The following PKIB variants were observed in gnomAD, a reference collection of about 807,000 sequenced individuals.
The protein encoded by PKIB is PKI-beta.
A neutral mutation model predicts 4.5 loss-of-function variants in PKIB; 2 were observed. The observed-to-expected ratio is 0.44, with a 90% CI of 0.18 to 1.39. PKIB has a LOEUF of 1.39. PKIB is among the 40% of genes most tolerant of loss of function. The pLI is 0.27. For missense variants in PKIB, 94 were observed against 92.6 expected, an observed-to-expected ratio of 1.02 and a Z score of -0.06; for synonymous variants, 38 against 36.0, an observed-to-expected ratio of 1.06 and a Z score of -0.20.
chr6:122,643,787 G>T (rs1776207254), intron 2 of PKIB: 4 of 152,038 alleles, frequency 2.6e-5, no homozygotes. Context: ...AAAGGTTGAG[G>T]TTATAACTTT....
At chr6:122,664,472 C>T (rs749232308) in intron 2 of PKIB, among the ~76,000 whole-genome samples, 5 of 152,080 alleles carry the variant, frequency 3.3e-5, no homozygotes, top group East Asian at 1.9e-4. Context: ...AGAAGTGATG[C>T]GTGATCATAG....
intron 2 of PKIB, among the ~76,000 whole-genome samples, chr6:122,555,549 T>C (rs1772811252): frequency 6.6e-6 from 1 of 152,072 alleles, no homozygotes; most frequent in Non-Finnish European, 1.5e-5. Flanking sequence ...AGTGCTAAAA[T>C]CAAGGAAAAA....
At chr6:122,480,879 A>G (rs1478018055) in intron 2 of PKIB, 1 of 152,018 alleles carries the variant, frequency 6.6e-6, no homozygotes, top group Non-Finnish European at 1.5e-5. Flanking sequence ...TTGATTATAA[A>G]GTGATATTGT....
chr6:122,554,952 A>C (rs1215837926), intron 2 of PKIB, among the ~76,000 whole-genome samples: 1 of 152,162 alleles, frequency 6.6e-6, no homozygotes, highest in Non-Finnish European at 1.5e-5. Flanking sequence ...TTAAGGGGGG[A>C]CAGATAGGGA....
At chr6:122,549,690 A>G (rs1183252369) in intron 2 of PKIB, among the ~76,000 whole-genome samples, 1 of 152,020 alleles carries the variant, frequency 6.6e-6, no homozygotes, top group African/African-American at 2.4e-5. Flanking sequence ...TATAAGCCAA[A>G]TAGAACAGAA....
chr6:122,573,960 C>G (rs1396510717), intron 2 of PKIB, among the ~76,000 whole-genome samples: 1 of 152,126 alleles, frequency 6.6e-6, no homozygotes, highest in Admixed American at 6.6e-5. Context: ...GGCATCCAAA[C>G]TGGAAAAGAA....
chr6:122,674,655 A>G (rs1235209750), intron 2 of PKIB, among the ~76,000 whole-genome samples: 1 of 152,188 alleles, frequency 6.6e-6, no homozygotes, highest in Non-Finnish European at 1.5e-5. Context: ...AAGATTCTCT[A>G]CAATTATATT....
At chr6:122,610,620 A>C (rs982913079) in intron 1 of PKIB, 85 bp downstream of exon 1, 3 of 152,320 alleles carry the variant, frequency 2.0e-5, no homozygotes, top group African/African-American at 7.2e-5. Flanking sequence ...GGGGAGACTG[A>C]CCCAGGGAAG....
chr6:122,621,479 C>T (rs2566824), intron 1 of PKIB, among the ~76,000 whole-genome samples: 150,246 of 152,288 alleles, frequency 0.99, 74,140 homozygotes, highest in Middle Eastern at 1. Context: ...GAATCAATTA[C>T]AGATGTGTCC....
chr6:122,605,338 G>C (rs910090472), upstream of PKIB, among the ~76,000 whole-genome samples: 3 of 152,214 alleles, frequency 2.0e-5, no homozygotes, highest in Non-Finnish European at 4.4e-5. Flanking sequence ...GCAGAAAGAA[G>C]AAAAAGCCAG....
chr6:122,600,333 A>T (rs764280412), intron 3 of PKIB, among the ~76,000 whole-genome samples: 2 of 152,176 alleles, frequency 1.3e-5, no homozygotes, highest in Non-Finnish European at 2.9e-5. Context: ...CACTGACTCA[A>T]CTGTTAATCT....
intron 2 of PKIB, among the ~76,000 whole-genome samples, chr6:122,646,288 G>A (rs536371987): frequency 6.4e-4 from 97 of 152,158 alleles, no homozygotes; most frequent in Admixed American, 3.6e-3. Flanking sequence ...GTCATTATTT[G>A]GGGGAATATC....
At chr6:122,506,439 T>A (rs1318369093) in intron 2 of PKIB, among the ~76,000 whole-genome samples, 1 of 152,162 alleles carries the variant, frequency 6.6e-6, no homozygotes, top group East Asian at 1.9e-4. Flanking sequence ...TTGGGAATTA[T>A]GTTTAGGGCC....
intron 3 of PKIB, among the ~76,000 whole-genome samples, chr6:122,595,025 C>T (rs1774134899): frequency 6.6e-6 from 1 of 152,140 alleles, no homozygotes; most frequent in Non-Finnish European, 1.5e-5. Context: ...TGTTGCAACT[C>T]CTGGTGGCAG....
chr6:122,609,948 C>T (rs1774678213), upstream of PKIB, among the ~76,000 whole-genome samples: 1 of 152,172 alleles, frequency 6.6e-6, no homozygotes, highest in Admixed American at 6.5e-5. Flanking sequence ...CTTCTCCAAA[C>T]AGCCAACATT....
intron 2 of PKIB, among the ~76,000 whole-genome samples, chr6:122,573,094 G>A (rs771079277): frequency 6.6e-6 from 1 of 152,040 alleles, no homozygotes; most frequent in African/African-American, 2.4e-5. Flanking sequence ...AAGATAAAGA[G>A]GGAATCCTCC....
intron 2 of PKIB, among the ~76,000 whole-genome samples, chr6:122,563,158 C>T (rs1037525903): frequency 3.3e-5 from 5 of 152,048 alleles, no homozygotes; most frequent in Admixed American, 2.6e-4. Context: ...TGGGGTGTTC[C>T]CTTGATGTAG....
At chr6:122,577,284 G>A (rs998735148) in intron 2 of PKIB, among the ~76,000 whole-genome samples, 2 of 152,146 alleles carry the variant, frequency 1.3e-5, no homozygotes, top group African/African-American at 2.4e-5. Context: ...TTAAAAAAAA[G>A]TATGTGGAAT....
chr6:122,575,112 C>T (rs1456367979), intron 2 of PKIB, among the ~76,000 whole-genome samples: 2 of 151,874 alleles, frequency 1.3e-5, no homozygotes, highest in African/African-American at 2.4e-5. Context: ...ATTTTTCAAA[C>T]GAAGATACAC....
Sources: gnomAD v4.1 joint callset for allele counts (sites outside exome capture counted in the v4.1 genomes callset) on GRCh38, gnomAD v4.1.1 for gene constraint, MANE v1.5 for transcripts, NCBI Gene and HGNC (gene_info 2026-07-23, HGNC 2026-07-21) for gene names.